Variants in LRP1B observed in about 807,000 individuals in gnomAD.
LRP1B encodes low-density lipoprotein receptor-related protein 1B.
Under a neutral mutation model 556.6 loss-of-function variants are expected in LRP1B, and 217 were observed. That is an observed-to-expected ratio of 0.39 (90% CI 0.35 to 0.44). LRP1B has a LOEUF of 0.44. LRP1B is among the 20% of genes least tolerant of loss of function. The probability of loss-of-function intolerance (pLI) is 1.00; values close to 1 mark genes in which losing one functional copy is unlikely to be tolerated. For missense variants in LRP1B, 5,053 were observed against 5,620.8 expected (o/e 0.90, Z 3.23); for synonymous variants, 2,047 against 1,865.8 (o/e 1.10, Z -2.50).
intron 3 of LRP1B, among the ~76,000 whole-genome samples, chr2:141,325,127 T>A (rs1004200270): frequency 1.3e-5 from 2 of 152,088 alleles, no homozygotes; most frequent in African/African-American, 4.8e-5. Flanking sequence ...TAAAGGCTTT[T>A]TTTTTGGCAA....
At chr2:142,035,835 C>T (rs1196998431) in intron 1 of LRP1B, among the ~76,000 whole-genome samples, 1 of 151,656 alleles carries the variant, frequency 6.6e-6, no homozygotes, top group Non-Finnish European at 1.5e-5. Flanking sequence ...CCCAGAATTC[C>T]CACGTGTGAT....
At chr2:140,813,506 G>C in intron 32 of LRP1B, 151 bp downstream of exon 32, 1 of 632,514 alleles carries the variant, frequency 1.6e-6, no homozygotes, top group Non-Finnish European at 2.7e-6. Context: ...AAGAGGAAAA[G>C]AAGGAAGAGA....
chr2:141,134,497 T>C (rs1173644653), intron 7 of LRP1B, among the ~76,000 whole-genome samples: 2 of 151,872 alleles, frequency 1.3e-5, no homozygotes, highest in East Asian at 1.9e-4. Context: ...CTTCCAACTG[T>C]CTTATGTGTA....
intron 2 of LRP1B, among the ~76,000 whole-genome samples, chr2:141,707,862 T>C (rs1692202126): frequency 6.6e-6 from 1 of 152,112 alleles, no homozygotes; most frequent in Non-Finnish European, 1.5e-5. Flanking sequence ...ACCCAACAAC[T>C]TGATAGGCAT....
At chr2:140,477,685 T>C (rs961548644) in intron 59 of LRP1B, among the ~76,000 whole-genome samples, 2 of 152,186 alleles carry the variant, frequency 1.3e-5, no homozygotes, top group African/African-American at 4.8e-5. Flanking sequence ...TATTTTGAAA[T>C]TTTTCATCTG....
intron 1 of LRP1B, among the ~76,000 whole-genome samples, chr2:142,034,063 C>G (rs1703794500): frequency 6.6e-6 from 1 of 151,706 alleles, no homozygotes; most frequent in African/African-American, 2.4e-5. Context: ...CATTGCATTT[C>G]CCACGTGACC....
chr2:141,235,830 T>C (rs571245335), intron 5 of LRP1B, among the ~76,000 whole-genome samples: 1 of 152,306 alleles, frequency 6.6e-6, no homozygotes, highest in South Asian at 2.1e-4. Flanking sequence ...CTCACTTAAG[T>C]TAATATAGCT....
intron 7 of LRP1B, among the ~76,000 whole-genome samples, chr2:141,146,448 G>T (rs186648912): frequency 2.8e-4 from 42 of 152,210 alleles, no homozygotes; most frequent in Non-Finnish European, 4.6e-4. Context: ...TTACCATGTC[G>T]TGTGCTCTAT....
At chr2:140,529,734 G>A (rs901128099) in intron 47 of LRP1B, among the ~76,000 whole-genome samples, 1 of 151,966 alleles carries the variant, frequency 6.6e-6, no homozygotes, top group African/African-American at 2.4e-5. Flanking sequence ...AGAATTTCAT[G>A]TACTTCCCAA....
At chr2:140,374,753 CTG>C (rs896966296) in intron 68 of LRP1B, among the ~76,000 whole-genome samples, 74 of 152,218 alleles carry the variant, frequency 4.9e-4, no homozygotes, top group African/African-American at 1.7e-3. Context: ...TCATGCCTGT[CTG>C]TGAACCAAGT....
chr2:141,173,871 G>C (rs1680616097), intron 7 of LRP1B, among the ~76,000 whole-genome samples: 1 of 151,962 alleles, frequency 6.6e-6, no homozygotes, highest in Non-Finnish European at 1.5e-5. Context: ...TACCTCTTAA[G>C]CCAGTTAAAG....
intron 41 of LRP1B, among the ~76,000 whole-genome samples, chr2:140,603,276 T>G (rs1463447577): frequency 6.6e-6 from 1 of 152,116 alleles, no homozygotes; most frequent in African/African-American, 2.4e-5. Context: ...TAAAATCAGT[T>G]AAGCTAATTT....
At chr2:140,453,042 A>G (rs1011958710) in intron 62 of LRP1B, among the ~76,000 whole-genome samples, 3 of 151,068 alleles carry the variant, frequency 2.0e-5, no homozygotes, top group Admixed American at 6.6e-5. Context: ...TATGAGGGAA[A>G]GCAGTTACCC....
chr2:142,060,858 G>A (rs562590850), intron 1 of LRP1B, among the ~76,000 whole-genome samples: 1 of 152,110 alleles, frequency 6.6e-6, no homozygotes, highest in South Asian at 2.1e-4. Flanking sequence ...TGAGCACCAA[G>A]TTGGATGCTC....
intron 18 of LRP1B, among the ~76,000 whole-genome samples, chr2:140,953,374 C>T (rs1015641422): frequency 1.3e-5 from 2 of 152,198 alleles, no homozygotes; most frequent in Non-Finnish European, 2.9e-5. Flanking sequence ...CAGGCGTGAG[C>T]CACTGCGCCT....
intron 2 of LRP1B, among the ~76,000 whole-genome samples, chr2:141,609,113 T>G (rs2105319513): frequency 6.6e-6 from 1 of 152,328 alleles, no homozygotes; most frequent in East Asian, 1.9e-4. Context: ...ACTAATATCT[T>G]ACGTCAACAA....
intron 2 of LRP1B, among the ~76,000 whole-genome samples, chr2:141,589,654 T>A (rs1218334754): frequency 6.6e-6 from 1 of 152,206 alleles, no homozygotes; most frequent in East Asian, 1.9e-4. Context: ...AAAAAGGCAC[T>A]TGCTTAGTTG....
At chr2:140,708,480 CACAA>C (rs1686918361) in intron 37 of LRP1B, among the ~76,000 whole-genome samples, 1 of 148,896 alleles carries the variant, frequency 6.7e-6, no homozygotes, top group Non-Finnish European at 1.5e-5. Context: ...GGAAATTATT[CACAA>C]ACAAAAAATA....
chr2:141,229,039 G>A, intron 6 of LRP1B, 144 bp downstream of exon 6: 1 of 767,390 alleles, frequency 1.3e-6, no homozygotes, highest in South Asian at 1.6e-5. Context: ...AACATGTAGT[G>A]AATACAGTAA....
Sources: allele counts gnomAD v4.1 joint callset (sites outside exome capture counted in the v4.1 genomes callset), GRCh38; gene constraint gnomAD v4.1.1; transcripts MANE v1.5; gene names NCBI Gene and HGNC (gene_info 2026-07-23, HGNC 2026-07-21).